FAM227B: variants seen among roughly 807,000 people sequenced by gnomAD.
The protein encoded by FAM227B is family with sequence similarity 227 member B.
A neutral mutation model predicts 73.8 loss-of-function variants in FAM227B; 88 were observed. That is an observed-to-expected ratio of 1.19 (90% CI 1.00 to 1.42). The LOEUF (loss-of-function observed/expected upper bound fraction) is 1.42. FAM227B is among the 40% of genes most tolerant of loss of function. The pLI is 0.00. For synonymous variants in FAM227B, 210 were observed against 190.5 expected, an observed-to-expected ratio of 1.10 and a Z score of -0.84; for missense variants, 632 against 590.9, an observed-to-expected ratio of 1.07 and a Z score of -0.72.
intron 13 of FAM227B, among the ~76,000 whole-genome samples, chr15:49,339,829 G>C (rs1172021139): frequency 6.6e-6 from 1 of 152,180 alleles, no homozygotes; most frequent in African/African-American, 2.4e-5. Flanking sequence ...TGCCCGTAGA[G>C]GAATGAATCT....
chr15:49,549,665 G>A (rs1446479726), intron 9 of FAM227B, among the ~76,000 whole-genome samples: 1 of 151,848 alleles, frequency 6.6e-6, no homozygotes, highest in African/African-American at 2.4e-5. Context: ...CAGATCAACA[G>A]GATAAGAATT....
At chr15:49,597,808 G>A (rs2076968216) in intron 3 of FAM227B, among the ~76,000 whole-genome samples, 1 of 151,934 alleles carries the variant, frequency 6.6e-6, no homozygotes, top group Non-Finnish European at 1.5e-5. Context: ...TGATAACACA[G>A]AGATACAAAA....
intron 11 of FAM227B, among the ~76,000 whole-genome samples, chr15:49,493,678 C>T (rs60172656): frequency 0.026 from 3,963 of 151,788 alleles, 188 homozygotes; most frequent in African/African-American, 0.092. Flanking sequence ...GATGGATAGG[C>T]ATACCTGTAT....
intron 13 of FAM227B, chr15:49,365,886 T>C: frequency 1.0e-6 from 1 of 963,942 alleles, no homozygotes; most frequent in Non-Finnish European, 1.7e-6. Flanking sequence ...TATGAATTAG[T>C]GCAGCAAGAG....
At chr15:49,395,881 G>A (rs2151595666) in intron 11 of FAM227B, 2 of 452,552 alleles carry the variant, frequency 4.4e-6, no homozygotes, top group South Asian at 3.1e-5. Flanking sequence ...AAATTTTCAT[G>A]GCTGAGGATT....
At chr15:49,478,658 C>T (rs1255641749) in intron 11 of FAM227B, among the ~76,000 whole-genome samples, 1 of 152,064 alleles carries the variant, frequency 6.6e-6, no homozygotes, top group Non-Finnish European at 1.5e-5. Flanking sequence ...ACCACTGCCT[C>T]CACTTTTTTT....
chr15:49,441,594 C>A (rs1404730884), intron 11 of FAM227B, among the ~76,000 whole-genome samples: 2 of 151,620 alleles, frequency 1.3e-5, no homozygotes, highest in African/African-American at 4.8e-5. Context: ...AAGGAGAGTG[C>A]ATTTCATGAC....
At chr15:49,360,511 G>T (rs2044026056) in intron 13 of FAM227B, among the ~76,000 whole-genome samples, 1 of 152,014 alleles carries the variant, frequency 6.6e-6, no homozygotes, top group Non-Finnish European at 1.5e-5. Flanking sequence ...TAAATTTTTG[G>T]GTATTCTTTG....
intron 11 of FAM227B, among the ~76,000 whole-genome samples, chr15:49,393,826 G>C (rs535721345): frequency 6.6e-6 from 1 of 152,244 alleles, no homozygotes; most frequent in South Asian, 2.1e-4. Context: ...AGAATTTATG[G>C]AGGGCTTGAA....
Position 49,435,482 on chromosome 15 carries a change from C to A in FAM227B, c.1013-64083G>T, listed in dbSNP as rs1294344128. Among the ~76,000 whole-genome samples the A allele has an allele frequency of 2.0e-5, 3 of 151,610 alleles. No homozygotes were observed. The East Asian group carries it at 5.8e-4, about 29-fold the overall frequency. ...GCCCTCTAATTCATGAAGTATGCTA[C>A]TTTCATAAAACTACTGATATGTCTT... is the stretch of plus-strand genomic sequence containing the variant. On this transcript the variant is annotated intron_variant, in intron 11 of 15. Transcript: ENST00000299338.
intron 9 of FAM227B, among the ~76,000 whole-genome samples, chr15:49,553,119 C>T (rs1416389977): frequency 2.0e-5 from 3 of 152,150 alleles, no homozygotes; most frequent in Admixed American, 2.0e-4. Flanking sequence ...GAAGGTTTTC[C>T]AGATACTTGA....
At chr15:49,427,297 T>C (rs2050212779) in intron 11 of FAM227B, among the ~76,000 whole-genome samples, 1 of 152,044 alleles carries the variant, frequency 6.6e-6, no homozygotes, top group African/African-American at 2.4e-5. Flanking sequence ...TCCTCAATCA[T>C]TAATTGAATG....
At chr15:49,474,898 CCT>C (rs371891318) in intron 11 of FAM227B, among the ~76,000 whole-genome samples, 119 of 152,232 alleles carry the variant, frequency 7.8e-4, no homozygotes, top group African/African-American at 2.7e-3. Flanking sequence ...GCTCCCGTCC[CCT>C]GACTGTTGGT....
chr15:49,583,128 G>A (rs2075917388), intron 5 of FAM227B, among the ~76,000 whole-genome samples: 1 of 150,234 alleles, frequency 6.7e-6, no homozygotes, highest in Non-Finnish European at 1.5e-5. Context: ...ACCAAAATCA[G>A]AGCTGAACTG....
intron 11 of FAM227B, among the ~76,000 whole-genome samples, chr15:49,472,819 G>C (rs2054900425): frequency 6.6e-6 from 1 of 152,178 alleles, no homozygotes; most frequent in Admixed American, 6.5e-5. Context: ...ATGATAAATA[G>C]TAGATGGAAA....
intron 11 of FAM227B, among the ~76,000 whole-genome samples, chr15:49,474,772 C>T (rs1349430194): frequency 2.0e-5 from 3 of 151,962 alleles, no homozygotes; most frequent in Non-Finnish European, 2.9e-5. Context: ...CTCATAGGAG[C>T]GTGAACCCTA....
intron 5 of FAM227B, among the ~76,000 whole-genome samples, chr15:49,582,344 C>T (rs574242190): frequency 6.6e-6 from 1 of 152,170 alleles, no homozygotes; most frequent in South Asian, 2.1e-4. Flanking sequence ...TAATTGCAGA[C>T]AAAACAGACT....
intron 13 of FAM227B, among the ~76,000 whole-genome samples, chr15:49,355,237 G>A (rs972358407): frequency 6.6e-6 from 1 of 152,226 alleles, no homozygotes; most frequent in African/African-American, 2.4e-5. Flanking sequence ...AAAGCTGGAT[G>A]GAGAATGACT....
intron 11 of FAM227B, among the ~76,000 whole-genome samples, chr15:49,443,143 T>C (rs946474173): frequency 2.0e-5 from 3 of 151,712 alleles, no homozygotes; most frequent in East Asian, 3.9e-4. Context: ...TGAGAGCCAA[T>C]TGTTAAATTT....
Sources: gnomAD v4.1 joint callset for allele counts (sites outside exome capture counted in the v4.1 genomes callset) on GRCh38, gnomAD v4.1.1 for gene constraint, MANE v1.5 for transcripts, NCBI Gene and HGNC (gene_info 2026-07-23, HGNC 2026-07-21) for gene names.